Variants in STPG2 observed in about 807,000 individuals in gnomAD.
STPG2 encodes the protein sperm-tail PG-rich repeat-containing protein 2.
Under a neutral mutation model 54.2 loss-of-function variants are expected in STPG2, and 56 were observed. That is an observed-to-expected ratio of 1.03 (90% CI 0.83 to 1.29). STPG2 has a LOEUF of 1.29. Ranked by LOEUF, STPG2 falls within the 50% of genes most tolerant of loss-of-function variation. The probability of loss-of-function intolerance (pLI) is 0.00; values close to 1 mark genes in which losing one functional copy is unlikely to be tolerated. For missense variants in STPG2, 596 were observed against 544.9 expected (o/e 1.09, Z -0.93); for synonymous variants, 200 against 181.8 (o/e 1.10, Z -0.81).
chr4:97,597,449 C>T (rs1733328462), intron 10 of STPG2, among the ~76,000 whole-genome samples: 1 of 151,948 alleles, frequency 6.6e-6, no homozygotes, highest in Non-Finnish European at 1.5e-5. Flanking sequence ...GGCAGAGATT[C>T]AACTAAGAAA....
intron 10 of STPG2, among the ~76,000 whole-genome samples, chr4:97,642,698 G>T (rs1043533290): frequency 6.6e-6 from 1 of 151,322 alleles, no homozygotes; most frequent in Non-Finnish European, 1.5e-5. Flanking sequence ...AACAATTCAC[G>T]TAGGCACAAC....
chr4:97,477,656 T>C (rs1040035236), intron 4 of STPG2, among the ~76,000 whole-genome samples: 14 of 150,864 alleles, frequency 9.3e-5, no homozygotes, highest in African/African-American at 3.4e-4. Context: ...TTTTTTTTTT[T>C]TCTTTTTGTA....
chr4:97,836,990 C>T (rs1728655499), intron 9 of STPG2, among the ~76,000 whole-genome samples: 1 of 151,204 alleles, frequency 6.6e-6, no homozygotes, highest in Non-Finnish European at 1.5e-5. Flanking sequence ...ATAAGATAGT[C>T]TCAATACATA....
intron 4 of STPG2, among the ~76,000 whole-genome samples, chr4:97,526,841 T>A (rs1731291428): frequency 6.6e-6 from 1 of 151,976 alleles, no homozygotes; most frequent in African/African-American, 2.4e-5. Flanking sequence ...CCATCTTGAG[T>A]TAATTTTTAT....
At chr4:97,878,867 T>G (rs1050992478) in intron 8 of STPG2, among the ~76,000 whole-genome samples, 16 of 152,202 alleles carry the variant, frequency 1.1e-4, no homozygotes, top group Admixed American at 9.8e-4. Context: ...AGGCTGCAAA[T>G]TTTCTAAGCT....
chr4:97,475,999 G>T (rs1169477780), intron 4 of STPG2, among the ~76,000 whole-genome samples: 1 of 152,088 alleles, frequency 6.6e-6, no homozygotes, highest in Admixed American at 6.6e-5. Context: ...CCATTAGAAT[G>T]TAAGCTCTTG....
At chr4:98,017,841 G>A (rs1736016118) in intron 5 of STPG2, among the ~76,000 whole-genome samples, 1 of 151,900 alleles carries the variant, frequency 6.6e-6, no homozygotes, top group African/African-American at 2.4e-5. Context: ...ATATCTGATG[G>A]TTTTAAAAGT....
chr4:97,687,769 G>C (rs1175952028), intron 10 of STPG2, among the ~76,000 whole-genome samples: 1 of 151,992 alleles, frequency 6.6e-6, no homozygotes, highest in Non-Finnish European at 1.5e-5. Context: ...GGGAACTTTA[G>C]AATATATTAT....
intron 10 of STPG2, among the ~76,000 whole-genome samples, chr4:97,640,847 T>C (rs919282517): frequency 6.6e-6 from 1 of 151,372 alleles, no homozygotes; most frequent in Non-Finnish European, 1.5e-5. Context: ...GATACAGATA[T>C]AGTCAAAGGA....
At chr4:98,121,174 T>G (rs769723092) in intron 3 of STPG2, among the ~76,000 whole-genome samples, 4 of 152,206 alleles carry the variant, frequency 2.6e-5, no homozygotes, top group Non-Finnish European at 5.9e-5. Context: ...CCCCATTGCT[T>G]GTTTTTGTCA....
intron 9 of STPG2, among the ~76,000 whole-genome samples, chr4:97,793,215 AT>A (rs956431819): frequency 1.3e-5 from 2 of 151,752 alleles, no homozygotes; most frequent in African/African-American, 4.8e-5. Flanking sequence ...AATCTGTTCC[AT>A]TTTCACATTT....
At chr4:97,678,065 T>C (rs562844090) in intron 10 of STPG2, among the ~76,000 whole-genome samples, 1 of 152,180 alleles carries the variant, frequency 6.6e-6, no homozygotes, top group East Asian at 1.9e-4. Context: ...TAGATGTTAG[T>C]AATTATATGT....
intron 10 of STPG2, among the ~76,000 whole-genome samples, chr4:97,654,531 C>T (rs541993872): frequency 6.6e-6 from 1 of 152,062 alleles, no homozygotes; most frequent in Non-Finnish European, 1.5e-5. Flanking sequence ...ACTTCTGTTA[C>T]CCTTCCATGC....
chr4:97,712,633 T>G, intron 10 of STPG2, 66 bp downstream of exon 10: 1 of 1,114,454 alleles, frequency 9.0e-7, no homozygotes, highest in Non-Finnish European at 1.2e-6. Flanking sequence ...AATATATACA[T>G]TTGTAGTACT....
intron 8 of STPG2, among the ~76,000 whole-genome samples, chr4:97,865,732 A>C (rs1056917259): frequency 3.3e-5 from 5 of 152,052 alleles, no homozygotes; most frequent in African/African-American, 9.7e-5. Flanking sequence ...GGATAGTATT[A>C]AGAGATATAC....
chr4:97,585,962 C>A (rs1329736446), intron 10 of STPG2, among the ~76,000 whole-genome samples: 5 of 151,510 alleles, frequency 3.3e-5, no homozygotes, highest in Admixed American at 3.3e-4. Flanking sequence ...CCCATCATAC[C>A]AAAAACCAAG....
intron 7 of STPG2, among the ~76,000 whole-genome samples, chr4:97,944,260 A>C (rs982489771): frequency 2.0e-5 from 3 of 152,118 alleles, no homozygotes; most frequent in African/African-American, 7.2e-5. Context: ...CACATTACTT[A>C]AACATATTAG....
intron 5 of STPG2, among the ~76,000 whole-genome samples, chr4:98,000,388 C>T (rs953493157): frequency 6.6e-6 from 1 of 151,998 alleles, no homozygotes; most frequent in African/African-American, 2.4e-5. Context: ...ATCTTCTTAA[C>T]AAAAGAAAAT....
intron 4 of STPG2, among the ~76,000 whole-genome samples, chr4:97,488,729 T>C: frequency 6.6e-6 from 1 of 151,568 alleles, no homozygotes; most frequent in East Asian, 1.9e-4. Context: ...AAACAAATAA[T>C]GTTTAAGAAT....
Sources: allele counts gnomAD v4.1 joint callset (sites outside exome capture counted in the v4.1 genomes callset), GRCh38; gene constraint gnomAD v4.1.1; transcripts MANE v1.5; gene names NCBI Gene and HGNC (gene_info 2026-07-23, HGNC 2026-07-21).